The following SLC44A5 variants were observed in gnomAD, a reference collection of about 807,000 sequenced individuals.
SLC44A5 encodes the protein choline transporter-like protein 5.
In SLC44A5, 57 loss-of-function variants were observed where a neutral mutation model predicts 101.8. The ratio of observed to expected loss-of-function variants is 0.56; its 90% CI spans 0.45 to 0.70. The LOEUF (loss-of-function observed/expected upper bound fraction) is 0.70. SLC44A5 is among the 30% of genes least tolerant of loss of function. The pLI is 0.00. For synonymous variants in SLC44A5, 281 were observed against 290.9 expected (o/e 0.97, Z 0.35); for missense variants, 737 against 853.1 (o/e 0.86, Z 1.70).
At chr1:75,426,467 T>A (rs1664312933) in intron 2 of SLC44A5, among the ~76,000 whole-genome samples, 1 of 152,178 alleles carries the variant, frequency 6.6e-6, no homozygotes, top group Non-Finnish European at 1.5e-5. Flanking sequence ...ACAGTTAATA[T>A]GAAAGAAAGC....
chr1:75,374,393 C>A (rs751199713), intron 3 of SLC44A5, among the ~76,000 whole-genome samples: 1 of 152,176 alleles, frequency 6.6e-6, no homozygotes, highest in Non-Finnish European at 1.5e-5. Flanking sequence ...AATTGTGGGT[C>A]TCCTGGTGAC....
At chr1:75,297,066 C>T (rs1232226715) in intron 5 of SLC44A5, among the ~76,000 whole-genome samples, 1 of 152,152 alleles carries the variant, frequency 6.6e-6, no homozygotes, top group Non-Finnish European at 1.5e-5. Context: ...GAGTTTCTTA[C>T]AGCATGGTGA....
the SLC44A5 span, among the ~76,000 whole-genome samples, chr1:75,711,116 A>G: frequency 1.3e-5 from 2 of 152,164 alleles, no homozygotes; most frequent in African/African-American, 4.8e-5. Context: ...GATTGACTAA[A>G]TTCATCATTT....
chr1:75,440,559 T>C (rs1403606793), intron 2 of SLC44A5, among the ~76,000 whole-genome samples: 1 of 152,018 alleles, frequency 6.6e-6, no homozygotes, highest in Non-Finnish European at 1.5e-5. Context: ...TTACTCTGAG[T>C]GAAATGAAAA....
chr1:75,608,619 C>A (rs74088910), intron 1 of SLC44A5, among the ~76,000 whole-genome samples: 3,243 of 151,726 alleles, frequency 0.021, 99 homozygotes, highest in African/African-American at 0.075. Flanking sequence ...ATAATTTAGT[C>A]TTCCCTCATC....
chr1:75,264,643 G>A (rs1650837096), intron 6 of SLC44A5, among the ~76,000 whole-genome samples: 1 of 152,012 alleles, frequency 6.6e-6, no homozygotes, highest in Admixed American at 6.6e-5. Context: ...TAGAGAAAAA[G>A]CAGTGCTAAG....
intron 1 of SLC44A5, among the ~76,000 whole-genome samples, chr1:75,601,425 C>G (rs1674975409): frequency 6.8e-6 from 1 of 146,902 alleles, no homozygotes; most frequent in African/African-American, 2.4e-5. Context: ...GGAGAAATAC[C>G]TAATGTAAAT....
At chr1:75,506,226 C>T (rs1669247416) in intron 2 of SLC44A5, among the ~76,000 whole-genome samples, 1 of 152,006 alleles carries the variant, frequency 6.6e-6, no homozygotes, top group Admixed American at 6.6e-5. Flanking sequence ...GTTTTTGTAC[C>T]AGTACGATGT....
intron 2 of SLC44A5, among the ~76,000 whole-genome samples, chr1:75,464,988 A>G (rs952814600): frequency 1.6e-4 from 25 of 152,212 alleles, no homozygotes; most frequent in African/African-American, 5.5e-4. Flanking sequence ...TTCTAGACAG[A>G]AAATCAACAA....
chr1:75,641,970 G>C, the SLC44A5 span: 1 of 1,588,632 alleles, frequency 6.3e-7, no homozygotes, highest in Non-Finnish European at 8.6e-7. Flanking sequence ...TGCCTTTCTG[G>C]TGGAGAATCA....
At chr1:75,352,904 T>C (rs779892141) in intron 3 of SLC44A5, among the ~76,000 whole-genome samples, 1 of 152,202 alleles carries the variant, frequency 6.6e-6, no homozygotes, top group South Asian at 2.1e-4. Flanking sequence ...TACAATAGGA[T>C]ACTAAACAGT....
intron 7 of SLC44A5, among the ~76,000 whole-genome samples, chr1:75,243,247 C>A (rs1034304014): frequency 2.6e-5 from 4 of 151,948 alleles, no homozygotes; most frequent in Admixed American, 6.6e-5. Flanking sequence ...AAGTGTCCTC[C>A]CACTTCAGCC....
chr1:75,340,137 G>A (rs1272296197), intron 3 of SLC44A5, among the ~76,000 whole-genome samples: 2 of 152,146 alleles, frequency 1.3e-5, no homozygotes, highest in Non-Finnish European at 2.9e-5. Context: ...AAAAATTAAT[G>A]TTCTATTATA....
chr1:75,378,544 T>G (rs201533771), intron 3 of SLC44A5, among the ~76,000 whole-genome samples: 1 of 60,968 alleles, frequency 1.6e-5, no homozygotes, highest in Admixed American at 1.7e-4. Flanking sequence ...TAGATTGTAA[T>G]GAAAAGACAA....
At chr1:75,570,619 G>A (rs1264279170) in intron 1 of SLC44A5, among the ~76,000 whole-genome samples, 3 of 152,158 alleles carry the variant, frequency 2.0e-5, no homozygotes, top group Non-Finnish European at 2.9e-5. Context: ...TTTATAAAAT[G>A]AGAATTTGTG....
intron 3 of SLC44A5, among the ~76,000 whole-genome samples, chr1:75,348,727 A>G (rs533331756): frequency 6.6e-6 from 1 of 152,374 alleles, no homozygotes; most frequent in Admixed American, 6.5e-5. Flanking sequence ...AAAGAACTAG[A>G]TCATTAGCAA....
intron 1 of SLC44A5, among the ~76,000 whole-genome samples, chr1:75,609,488 T>C (rs1675526501): frequency 6.6e-6 from 1 of 152,112 alleles, no homozygotes; most frequent in Admixed American, 6.6e-5. Context: ...TCTATCTTCT[T>C]AGTTTGGAGG....
rs146332908 is a variant in SLC44A5 at position 75,543,418 on chromosome 1, A to G, written c.-69-1902T>C. On this transcript the variant is annotated intron_variant, in intron 1 of 23. Transcript: ENST00000370859. The stretch of plus-strand genomic sequence containing the variant: ...CCAAACCATCCCGCAAAAATATCTG[A>G]GTTGTTGTATTCTCTGCTAACTTTT... 6.1e-3 allele frequency among the ~76,000 whole-genome samples: 932 copies of G among 151,762 alleles called. 11 individuals are homozygous for G. The highest frequency in any genetic ancestry group is 0.031 in the Middle Eastern group (9 of 292).
At chr1:75,229,023 G>A (rs1454102928) in intron 12 of SLC44A5, among the ~76,000 whole-genome samples, 1 of 151,364 alleles carries the variant, frequency 6.6e-6, no homozygotes, top group South Asian at 2.1e-4. Context: ...TGCTCACTAT[G>A]TTTTCTTTTT....
Sources: gnomAD v4.1 joint callset for allele counts (sites outside exome capture counted in the v4.1 genomes callset) on GRCh38, gnomAD v4.1.1 for gene constraint, MANE v1.5 for transcripts, NCBI Gene and HGNC (gene_info 2026-07-23, HGNC 2026-07-21) for gene names.